VKORC1L1: variants seen among roughly 807,000 people sequenced by gnomAD.
The protein encoded by VKORC1L1 is vitamin K epoxide reductase complex subunit 1-like protein 1.
Under a neutral mutation model 18.9 loss-of-function variants are expected in VKORC1L1, and 2 were observed. The ratio of observed to expected loss-of-function variants is 0.11; its 90% CI spans 0.04 to 0.33. The LOEUF (loss-of-function observed/expected upper bound fraction) is 0.33. VKORC1L1 is among the 10% of genes least tolerant of loss of function. The pLI, the probability that VKORC1L1 is intolerant of heterozygous loss-of-function variation, is 1.00. For missense variants in VKORC1L1, 123 were observed against 224.1 expected (o/e 0.55, Z 2.88); for synonymous variants, 96 against 100.0 (o/e 0.96, Z 0.24).
chr7:65,893,306 C>G (rs1356739670), intron 1 of VKORC1L1, among the ~76,000 whole-genome samples: 2 of 152,202 alleles, frequency 1.3e-5, no homozygotes, highest in African/African-American at 4.8e-5. Flanking sequence ...GTTTGGGAGG[C>G]TGAGGCGGGC....
At chr7:65,942,438 G>C (rs1459730913) in intron 1 of VKORC1L1, among the ~76,000 whole-genome samples, 1 of 137,498 alleles carries the variant, frequency 7.3e-6, no homozygotes, top group Non-Finnish European at 1.5e-5. Flanking sequence ...CTTGCAGTGA[G>C]CCAAGACCAC....
chr7:65,867,340 G>C, the VKORC1L1 span, among the ~76,000 whole-genome samples: 2 of 152,192 alleles, frequency 1.3e-5, no homozygotes, highest in African/African-American at 2.4e-5. Context: ...CAGGTCTTCA[G>C]AGAGAGACTA....
intron 1 of VKORC1L1, 51 bp from the exon 2 acceptor site, chr7:65,948,620 T>C (rs1790159165): frequency 1.5e-6 from 1 of 659,998 alleles, no homozygotes. Context: ...GATACATTTT[T>C]TAAAATAGGG....
chr7:65,949,195 T>G (rs1183889506), intron 2 of VKORC1L1, among the ~76,000 whole-genome samples: 7 of 152,126 alleles, frequency 4.6e-5, no homozygotes, highest in South Asian at 2.1e-4. Flanking sequence ...AAAATAATTT[T>G]TGGGCTGGGT....
chr7:65,937,024 G>T (rs1661771273), intron 1 of VKORC1L1, among the ~76,000 whole-genome samples: 1 of 152,202 alleles, frequency 6.6e-6, no homozygotes, highest in East Asian at 1.9e-4. Context: ...AAAAAATAAT[G>T]AATGTGAAAG....
chr7:65,899,216 C>T (rs1562988074), intron 1 of VKORC1L1, among the ~76,000 whole-genome samples: 1 of 152,168 alleles, frequency 6.6e-6, no homozygotes, highest in Non-Finnish European at 1.5e-5. Context: ...TTGGGTGCCA[C>T]CCAAAATGCA....
chr7:65,875,062 C>G (rs1429382609), intron 1 of VKORC1L1, among the ~76,000 whole-genome samples: 1 of 152,024 alleles, frequency 6.6e-6, no homozygotes, highest in African/African-American at 2.4e-5. Flanking sequence ...TAGCTGTGGA[C>G]ATAAAATAGT....
intron 1 of VKORC1L1, among the ~76,000 whole-genome samples, chr7:65,891,155 T>A (rs1789105155): frequency 6.6e-6 from 1 of 151,754 alleles, no homozygotes; most frequent in Non-Finnish European, 1.5e-5. Context: ...GAGTTACTCT[T>A]TTTTTCTTGC....
At chr7:65,934,786 G>A (rs1156477487) in intron 1 of VKORC1L1, among the ~76,000 whole-genome samples, 3 of 152,136 alleles carry the variant, frequency 2.0e-5, no homozygotes, top group Non-Finnish European at 4.4e-5. Flanking sequence ...TGGGCTCAGT[G>A]GCTCATGCCT....
chr7:65,890,124 A>ATTTTT (rs35228954), intron 1 of VKORC1L1, among the ~76,000 whole-genome samples: 3 of 90,472 alleles, frequency 3.3e-5, no homozygotes, highest in Non-Finnish European at 6.6e-5. Context: ...CACCTGGGTA[A>ATTTTT]TTTTTTTTTT....
At chr7:65,875,634 G>T (rs1027396454) in intron 1 of VKORC1L1, among the ~76,000 whole-genome samples, 3 of 152,056 alleles carry the variant, frequency 2.0e-5, no homozygotes, top group African/African-American at 7.2e-5. Context: ...AGCCAGGATG[G>T]TCTCGATCTC....
At chr7:65,910,381 C>G (rs761617977) in intron 1 of VKORC1L1, among the ~76,000 whole-genome samples, 2 of 152,102 alleles carry the variant, frequency 1.3e-5, no homozygotes, top group Non-Finnish European at 1.5e-5. Flanking sequence ...AGATCACACA[C>G]CAAGCAGTGT....
At chr7:65,925,019 T>G (rs776373912) in intron 1 of VKORC1L1, among the ~76,000 whole-genome samples, 2 of 152,170 alleles carry the variant, frequency 1.3e-5, no homozygotes, top group Non-Finnish European at 2.9e-5. Context: ...ACTCCATCCG[T>G]AATCTTCCCT....
At position 65,957,918 on chromosome 7, in the gene VKORC1L1, T is replaced by G. The variant is rs1790326629; in HGVS notation, c.*3618T>G. On this transcript the variant is annotated 3_prime_UTR_variant, in exon 3 of 3. Transcript: ENST00000360768. Reference sequence around the variant, plus strand: ...GACTATTTGCAAAAGTACAGAGTTATCTTCAGCAATTACTTCACAACTTAG... The same window carrying G: ...GACTATTTGCAAAAGTACAGAGTTAGCTTCAGCAATTACTTCACAACTTAG... The G allele has an allele frequency of 7.1e-6, 1 of 141,084 alleles. No homozygotes were observed. The allele number at this position is 141,084 out of a possible 1,614,324, so 8.7% of individuals were successfully genotyped here. A position where few individuals can be genotyped will look rare whatever the true frequency, so the allele number is the denominator to read the frequency against.
Position 65,955,438 on chromosome 7 carries a change from T to A in VKORC1L1, c.*1138T>A, listed in dbSNP as rs1345527170. On this transcript the variant is annotated 3_prime_UTR_variant, in exon 3 of 3. Transcript: ENST00000360768. ...CTTCAGGGCTGACATGCTGCCCAGT[T>A]TGCTTCATCGGGAGAATAGCAACAG... is the stretch of plus-strand genomic sequence containing the variant. The A allele has an allele frequency of 6.6e-6, 1 of 152,232 alleles. No homozygotes were observed. The highest frequency in any genetic ancestry group is 1.9e-4 in the East Asian group (1 of 5,206). The allele number at this position is 152,232 out of a possible 1,614,324, so 9.4% of individuals were successfully genotyped here.
Position 65,954,972 on chromosome 7 carries a change from AAAT to A in VKORC1L1, c.*680_*682del, listed in dbSNP as rs1790271298. 6.6e-6 allele frequency: 1 copy of A among 152,290 alleles called. No individual in the cohort carries two copies. Among genetic ancestry groups the A allele is most frequent in the Non-Finnish European group, 1.5e-5 (1 of 68,136 alleles). 9.4% of individuals were successfully genotyped at this position (152,290 alleles called of 1,614,324 possible). On this transcript the variant is annotated 3_prime_UTR_variant, in exon 3 of 3. Transcript: ENST00000360768. The stretch of plus-strand genomic sequence containing the variant: ...GTTGCAGCAAATAATAGGGCAAAAA[AAAT>A]AATAATAGGGTGGTCGGTTCCCTTT...
intron 1 of VKORC1L1, among the ~76,000 whole-genome samples, chr7:65,900,065 G>C: frequency 1.4e-5 from 1 of 72,484 alleles, no homozygotes; most frequent in South Asian, 5.6e-4. Context: ...GTGTGTGTGT[G>C]TGTGTGTGTG....
chr7:65,874,574 G>A (rs6950821), intron 1 of VKORC1L1, among the ~76,000 whole-genome samples: 46,612 of 151,770 alleles, frequency 0.31, 8,541 homozygotes, highest in East Asian at 0.46. Flanking sequence ...TTGGGAGGCC[G>A]AGGCGGGTGG....
At chr7:65,870,760 G>A (rs376479841), upstream of VKORC1L1, among the ~76,000 whole-genome samples, 1 of 152,116 alleles carries the variant, frequency 6.6e-6, no homozygotes, top group South Asian at 2.1e-4. Context: ...AAATCATTAG[G>A]GATGTAGAGT....
Sources: allele counts gnomAD v4.1 joint callset (sites outside exome capture counted in the v4.1 genomes callset), GRCh38; gene constraint gnomAD v4.1.1; transcripts MANE v1.5; gene names NCBI Gene and HGNC (gene_info 2026-07-23, HGNC 2026-07-21).